The following SYT14 variants were observed in gnomAD, a reference collection of about 807,000 sequenced individuals.
SYT14 encodes synaptotagmin 14.
A neutral mutation model predicts 74.2 loss-of-function variants in SYT14; 32 were observed. The observed-to-expected ratio is 0.43, with a 90% CI of 0.33 to 0.58. The LOEUF is 0.58. Among genes scored for constraint, SYT14 ranks in the 20% least tolerant of loss-of-function variants. The pLI, the probability that SYT14 is intolerant of heterozygous loss-of-function variation, is 0.05. For missense variants in SYT14, 791 were observed against 981.8 expected, an observed-to-expected ratio of 0.81 and a Z score of 2.60; for synonymous variants, 298 against 337.7, an observed-to-expected ratio of 0.88 and a Z score of 1.29.
Position 210,100,052 on chromosome 1 carries a change from CT to C in SYT14, c.1629del (p.Phe543LeufsTer14), listed in dbSNP as rs1272934449. On this transcript the variant is annotated frameshift_variant, in exon 7 of 10. Coordinates refer to ENST00000637265, the Ensembl canonical transcript of SYT14. LOFTEE classifies it high-confidence loss of function. ...GGATCATCTTCGCAGCTTCCTAAAC[CT>C]TTTGATCCTGAGCCAGAAGCTAAAT... The C allele has an allele frequency of 1.2e-6, 2 of 1,614,032 alleles. No individual in the cohort carries two copies. Among genetic ancestry groups the C allele is most frequent in the Non-Finnish European group, 1.7e-6 (2 of 1,179,992 alleles).
At chr1:210,033,706 T>C (rs1453187533) in intron 5 of SYT14, among the ~76,000 whole-genome samples, 1 of 151,808 alleles carries the variant, frequency 6.6e-6, no homozygotes, top group East Asian at 1.9e-4. Flanking sequence ...CAGATAGTTA[T>C]GAAAAAAGCT....
At chr1:210,040,782 G>T (rs2080772528) in intron 5 of SYT14, among the ~76,000 whole-genome samples, 1 of 152,090 alleles carries the variant, frequency 6.6e-6, no homozygotes, top group African/African-American at 2.4e-5. Flanking sequence ...TCCTAAATGG[G>T]TTTGTGTATG....
intron 7 of SYT14, among the ~76,000 whole-genome samples, chr1:210,103,271 C>T (rs2102554861): frequency 6.6e-6 from 1 of 152,018 alleles, no homozygotes; most frequent in Non-Finnish European, 1.5e-5. Context: ...AACATTAAGG[C>T]CGGGCGCAGT....
chr1:210,169,050 G>A (rs549682946), exon 10 of SYT14: 1 of 151,910 alleles, frequency 6.6e-6, no homozygotes, highest in African/African-American at 2.4e-5. Context: ...TCTCCCTCTA[G>A]CTTGCACATT....
rs532500652 is a variant in SYT14, at chr1:210,078,342, A to G, written c.1313-15980A>G. Among the ~76,000 whole-genome samples the G allele has an allele frequency of 3.0e-4, 44 of 147,778 alleles. 1 individual carries two copies. The highest frequency in any genetic ancestry group is 2.6e-3 in the Admixed American group (38 of 14,698). ...AAAAAAAAAAAAAAAAAAAAAATGC[A>G]TCTATTTCAGGGAACTGTAAATGGC... is the stretch of plus-strand genomic sequence containing the variant. On this transcript the variant is annotated intron_variant, in intron 5 of 9. Coordinates refer to ENST00000637265, the Ensembl canonical transcript of SYT14.
chr1:210,063,689 G>A (rs909677144), intron 5 of SYT14, among the ~76,000 whole-genome samples: 7 of 151,818 alleles, frequency 4.6e-5, no homozygotes, highest in African/African-American at 1.7e-4. Context: ...CTAGAGGCCA[G>A]ATACTTCTCT....
chr1:209,967,914 T>C (rs536412757), intron 2 of SYT14, among the ~76,000 whole-genome samples: 2 of 152,164 alleles, frequency 1.3e-5, no homozygotes, highest in South Asian at 4.1e-4. Context: ...GTAGCACATA[T>C]CATGTAATGC....
intron 7 of SYT14, among the ~76,000 whole-genome samples, chr1:210,150,850 G>A (rs1320934300): frequency 6.6e-6 from 1 of 152,020 alleles, no homozygotes; most frequent in East Asian, 1.9e-4. Context: ...TTAATAAAAA[G>A]CCCAGTATGT....
intron 7 of SYT14, among the ~76,000 whole-genome samples, chr1:210,143,586 G>A (rs2082966594): frequency 6.6e-6 from 1 of 151,982 alleles, no homozygotes; most frequent in Non-Finnish European, 1.5e-5. Context: ...CAGACTACTA[G>A]AGAGTTACTT....
intron 5 of SYT14, among the ~76,000 whole-genome samples, chr1:210,088,219 CT>C (rs2081780662): frequency 7.0e-6 from 1 of 142,008 alleles, no homozygotes; most frequent in Non-Finnish European, 1.5e-5. Context: ...TTTAATTATA[CT>C]TTAAGTTCTG....
At chr1:209,978,025 C>T (rs1416320830) in intron 2 of SYT14, among the ~76,000 whole-genome samples, 4 of 152,128 alleles carry the variant, frequency 2.6e-5, no homozygotes, top group South Asian at 4.1e-4. Flanking sequence ...GCATTCGTCA[C>T]GTAGTTCTCG....
intron 7 of SYT14, among the ~76,000 whole-genome samples, chr1:210,103,493 T>G (rs1263372026): frequency 1.5e-5 from 2 of 136,594 alleles, no homozygotes; most frequent in African/African-American, 2.8e-5. Context: ...GAGCTTGCAG[T>G]GAGCTGAGAT....
chr1:210,087,464 A>G (rs1369838356), intron 5 of SYT14, among the ~76,000 whole-genome samples: 2 of 152,100 alleles, frequency 1.3e-5, no homozygotes, highest in Non-Finnish European at 2.9e-5. Context: ...CTCAATGCGA[A>G]CACACTCCTT....
intron 5 of SYT14, among the ~76,000 whole-genome samples, chr1:210,075,057 G>A (rs1392189818): frequency 6.6e-6 from 1 of 152,182 alleles, no homozygotes; most frequent in East Asian, 1.9e-4. Context: ...CAGCAGATGG[G>A]ATAGCCAGAA....
intron 1 of SYT14, among the ~76,000 whole-genome samples, chr1:209,950,433 G>A (rs537674958): frequency 5.3e-5 from 8 of 152,288 alleles, no homozygotes; most frequent in South Asian, 4.1e-4. Flanking sequence ...GTATGTAGGT[G>A]TATTTCATTC....
chr1:210,129,368 T>C (rs1157929598), intron 7 of SYT14, among the ~76,000 whole-genome samples: 2 of 152,210 alleles, frequency 1.3e-5, no homozygotes, highest in African/African-American at 2.4e-5. Context: ...TTGAAACTCC[T>C]TGTGTCTCAC....
At chr1:210,038,447 T>C (rs2080716182) in intron 5 of SYT14, among the ~76,000 whole-genome samples, 2 of 152,150 alleles carry the variant, frequency 1.3e-5, no homozygotes, top group Non-Finnish European at 2.9e-5. Context: ...GTAGGGTTTC[T>C]TCTTGTCATA....
At chr1:209,963,364 G>A (rs2079106496) in intron 2 of SYT14, among the ~76,000 whole-genome samples, 1 of 152,150 alleles carries the variant, frequency 6.6e-6, no homozygotes, top group Non-Finnish European at 1.5e-5. Context: ...ATTTAGTTTA[G>A]ATTTCTCTCT....
intron 7 of SYT14, among the ~76,000 whole-genome samples, chr1:210,121,626 C>G (rs1429304516): frequency 6.6e-6 from 1 of 151,928 alleles, no homozygotes; most frequent in Non-Finnish European, 1.5e-5. Flanking sequence ...AACTCTGTCT[C>G]TACTAAAAAT....
Sources: gnomAD v4.1 joint callset for allele counts (sites outside exome capture counted in the v4.1 genomes callset) on GRCh38, gnomAD v4.1.1 for gene constraint, MANE v1.5 for transcripts, NCBI Gene and HGNC (gene_info 2026-07-23, HGNC 2026-07-21) for gene names.